The following ACSS2 variants were observed in gnomAD, a reference collection of about 807,000 sequenced individuals.
ACSS2 encodes the protein acyl-CoA synthetase short chain family member 2.
A neutral mutation model predicts 90.6 loss-of-function variants in ACSS2; 58 were observed. That is an observed-to-expected ratio of 0.64 (90% CI 0.52 to 0.80). The LOEUF (loss-of-function observed/expected upper bound fraction) is 0.80, where lower values mean the gene tolerates loss of function less well. Among genes scored for constraint, ACSS2 ranks in the 30% least tolerant of loss-of-function variants. The pLI, the probability that ACSS2 is intolerant of heterozygous loss-of-function variation, is 0.00. For synonymous variants in ACSS2, 300 were observed against 330.9 expected, an observed-to-expected ratio of 0.91 and a Z score of 1.01; for missense variants, 759 against 912.0, an observed-to-expected ratio of 0.83 and a Z score of 2.16.
intron 8 of ACSS2, 124 bp downstream of exon 8, chr20:34,919,696 G>A (rs2081154863): frequency 2.2e-6 from 3 of 1,357,110 alleles, no homozygotes; most frequent in Non-Finnish European, 3.0e-6. Context: ...CCTGAGTTTT[G>A]GAAATGTAGC....
intron 10 of ACSS2, 29 bp from the exon 11 acceptor site, chr20:34,921,301 C>T (rs1467217858): frequency 1.5e-5 from 24 of 1,613,330 alleles, no homozygotes; most frequent in Non-Finnish European, 2.0e-5. Context: ...GTACTCAGAG[C>T]CTTCCTCTCT....
chr20:34,927,586 T>C lies in ACSS2; in HGVS notation c.*372T>C, dbSNP rs898867887. 2 of 231,124 alleles carry C rather than the reference T, an allele frequency of 8.7e-6. No individual in the cohort carries two copies. The highest frequency in any genetic ancestry group is 4.4e-5 in the African/African-American group (2 of 45,370). The allele number at this position is 231,124 out of a possible 1,614,324, so 14.3% of individuals were successfully genotyped here. A position where few individuals can be genotyped will look rare whatever the true frequency, so the allele number is the denominator to read the frequency against. The stretch of plus-strand genomic sequence containing the variant: ...CTCTCTTAGGAAGCCCCAGTACTTA[T>C]ATTGGGCATGCACTTGCCCTTAAAA... On this transcript the variant is annotated 3_prime_UTR_variant, in exon 18 of 18. Transcript: ENST00000360596. This position sits in a 1 kb window ranked among gnomAD's most constrained non-coding sequence, Gnocchi z 4.2.
intron 2 of ACSS2, among the ~76,000 whole-genome samples, chr20:34,912,859 A>T (rs544788387): frequency 1.3e-5 from 2 of 152,300 alleles, no homozygotes; most frequent in South Asian, 4.1e-4. Context: ...AGGATCAGAG[A>T]TGGACAGTGC....
Position 34,921,393 on chromosome 20 carries a change from G to A in ACSS2, c.1341G>A (p.Trp447Ter). The change falls in exon 11 of 18, where the codon TGG becomes TGA. Residue 447 changes from tryptophan (W) to a stop codon, truncating the protein, a stop_gained. Transcript: ENST00000360596. LOFTEE classifies it high-confidence loss of function. ...TVGEPINPEA[W>*]LWYHRVVGAQ... The stretch of plus-strand genomic sequence containing the variant: ...GTGAACCCATCAACCCTGAGGCCTG[G>A]CTATGGTACCACCGGGTGGTAGGTG... 1 of 1,614,206 alleles carries A rather than the reference G, an allele frequency of 6.2e-7. No homozygotes were observed. Among genetic ancestry groups the A allele is most frequent in the Non-Finnish European group, 8.5e-7 (1 of 1,180,044 alleles).
In ACSS2 at chr20:34,927,101, C is replaced by T. The variant is rs2081337169; in HGVS notation, c.1993C>T (p.Arg665Ter). ...TGGTTCCCCAGGGAAAATCATGAGG[C>T]GAGTGCTTCGGAAGATTGCTCAGAA... The part of the protein sequence containing the change: ...PKTRSGKIMR[R>*]VLRKIAQNDH... Residue 665 changes from arginine (R) to a stop codon, truncating the protein, a stop_gained, in exon 18 of 18, where the codon CGA becomes TGA. Coordinates refer to ENST00000360596, the MANE Select transcript of ACSS2 (RefSeq NM_018677.4). LOFTEE classifies it high-confidence loss of function. This position sits in a 1 kb window ranked among gnomAD's most constrained non-coding sequence, Gnocchi z 4.2. 1.9e-6 allele frequency: 3 copies of T among 1,613,984 alleles called. No individual in the cohort carries two copies. The highest frequency in any genetic ancestry group is 1.3e-5 in the African/African-American group (1 of 74,884).
chr20:34,884,069 C>T (rs1170667760), intron 2 of ACSS2, among the ~76,000 whole-genome samples: 1 of 152,184 alleles, frequency 6.6e-6, no homozygotes, highest in East Asian at 1.9e-4. Flanking sequence ...CCTCAGCCTC[C>T]TGAGTAGGTG....
At chr20:34,902,891 ATTTTTTTTTTT>A (rs34171408) in intron 2 of ACSS2, among the ~76,000 whole-genome samples, 1 of 115,310 alleles carries the variant, frequency 8.7e-6, no homozygotes, top group East Asian at 2.6e-4. Flanking sequence ...ACACCTGGCT[ATTTTTTTTTTT>A]TTTTTTTTTT....
At chr20:34,901,340 C>T (rs73905005) in intron 2 of ACSS2, among the ~76,000 whole-genome samples, 1 of 152,242 alleles carries the variant, frequency 6.6e-6, no homozygotes, top group Non-Finnish European at 1.5e-5. Flanking sequence ...AAGTGATCCT[C>T]CCACCTCGGC....
At chr20:34,893,077 A>G (rs924105358) in intron 2 of ACSS2, among the ~76,000 whole-genome samples, 7 of 152,252 alleles carry the variant, frequency 4.6e-5, no homozygotes, top group African/African-American at 1.2e-4. Flanking sequence ...TTACATATCT[A>G]AGATTATATT....
chr20:34,923,032 C>T (rs746136881), intron 13 of ACSS2: 34 of 279,108 alleles, frequency 1.2e-4, no homozygotes, highest in South Asian at 2.5e-4. Flanking sequence ...AATAGAACAC[C>T]GTGCTAGGCA....
In ACSS2 at chr20:34,914,172, G is replaced by GT. The variant is rs1393739949; in HGVS notation, c.719+2dup. On this transcript the variant is annotated splice_donor_variant, in intron 6 of 17. Coordinates refer to ENST00000360596, the MANE Select transcript of ACSS2 (RefSeq NM_018677.4). LOFTEE classifies it high-confidence loss of function. ...AGGCCCTGCAGAAGTGTCAGGAGAA[G>GT]TAAGTGTGTTTGGCTACTGTCTGAG... The GT allele has an allele frequency of 6.2e-7, 1 of 1,614,184 alleles. No individual in the cohort carries two copies. The highest frequency in any genetic ancestry group is 1.7e-5 in the Admixed American group (1 of 60,018).
intron 2 of ACSS2, among the ~76,000 whole-genome samples, chr20:34,898,439 T>A (rs889412377): frequency 8.6e-5 from 13 of 151,944 alleles, no homozygotes; most frequent in African/African-American, 3.1e-4. Context: ...CCCACCAGAG[T>A]AGCTAGATAC....
intron 16 of ACSS2, among the ~76,000 whole-genome samples, 191 bp from the exon 17 acceptor site, chr20:34,926,685 AG>A (rs1439698083): frequency 2.6e-5 from 4 of 152,272 alleles, no homozygotes; most frequent in Non-Finnish European, 5.9e-5. Flanking sequence ...CTACAGCCTG[AG>A]TTCCATAAGA....
chr20:34,914,053 C>T (rs2081023490), intron 5 of ACSS2, 43 bp from the exon 6 acceptor site: 4 of 1,601,988 alleles, frequency 2.5e-6, no homozygotes, highest in Non-Finnish European at 8.6e-7. Flanking sequence ...CACTAGGCAG[C>T]ATGGGGCTTA....
At chr20:34,901,799 G>C (rs2080665600) in intron 2 of ACSS2, among the ~76,000 whole-genome samples, 1 of 152,190 alleles carries the variant, frequency 6.6e-6, no homozygotes, top group Non-Finnish European at 1.5e-5. Flanking sequence ...GTAGGTGTCA[G>C]GGTTACCCTG....
intron 2 of ACSS2, among the ~76,000 whole-genome samples, chr20:34,888,918 C>T (rs1365979990): frequency 6.6e-6 from 1 of 151,844 alleles, no homozygotes; most frequent in Non-Finnish European, 1.5e-5. Flanking sequence ...GTATTGACAC[C>T]AGCAGGATAT....
At chr20:34,892,235 G>T (rs955506718) in intron 2 of ACSS2, among the ~76,000 whole-genome samples, 1 of 152,304 alleles carries the variant, frequency 6.6e-6, no homozygotes, top group African/African-American at 2.4e-5. Flanking sequence ...GGGAGCAGGG[G>T]TTCTTGCCTT....
intron 2 of ACSS2, chr20:34,893,644 C>T (rs1440453704): frequency 1.3e-5 from 2 of 151,638 alleles, no homozygotes; most frequent in Non-Finnish European, 2.9e-5. Context: ...GCCTCAGCCT[C>T]CCAAAGTGCT....
chr20:34,925,649 G>T (rs778520627), intron 14 of ACSS2, 49 bp from the exon 15 acceptor site: 2 of 1,568,230 alleles, frequency 1.3e-6, no homozygotes, highest in South Asian at 1.2e-5. Context: ...TGTGGATCAG[G>T]TATCCTACCG....
Sources: allele counts gnomAD v4.1 joint callset (sites outside exome capture counted in the v4.1 genomes callset), GRCh38; gene constraint gnomAD v4.1.1; non-coding constraint Gnocchi (gnomAD v3.1); transcripts MANE v1.5; gene names NCBI Gene and HGNC (gene_info 2026-07-23, HGNC 2026-07-21).